Variants in MBTPS1 observed in about 807,000 individuals in gnomAD.
The protein encoded by MBTPS1 is membrane bound transcription factor peptidase, site 1, also known as membrane-bound transcription factor site-1 protease.
A neutral mutation model predicts 127.8 loss-of-function variants in MBTPS1; 94 were observed. That is an observed-to-expected ratio of 0.74 (90% CI 0.62 to 0.87). The LOEUF (loss-of-function observed/expected upper bound fraction) is 0.87. MBTPS1 is among the 40% of genes least tolerant of loss of function. MBTPS1 has a pLI of 0.00. For missense variants in MBTPS1, 1,636 were observed against 1,353.2 expected (o/e 1.21, Z -3.28); for synonymous variants, 632 against 509.4 (o/e 1.24, Z -3.24).
At chr16:84,082,380 A>G (rs988562968) in intron 10 of MBTPS1, among the ~76,000 whole-genome samples, 10 of 152,094 alleles carry the variant, frequency 6.6e-5, no homozygotes, top group African/African-American at 2.4e-4. Context: ...TCCAAAGCCA[A>G]TCCTTGCCTT....
At chr16:84,087,542 A>T in intron 8 of MBTPS1, 82 bp from the exon 9 acceptor site, 1 of 893,910 alleles carries the variant, frequency 1.1e-6, no homozygotes, top group South Asian at 1.5e-5. Context: ...GATTCAAACC[A>T]GGGCGAATAC....
intron 1 of MBTPS1, among the ~76,000 whole-genome samples, chr16:84,115,378 T>A (rs1007252635): frequency 3.9e-5 from 6 of 152,188 alleles, no homozygotes; most frequent in African/African-American, 1.2e-4. Flanking sequence ...GGGAGTGCAG[T>A]CGTTTGACAC....
At chr16:84,063,217 G>T in intron 19 of MBTPS1, 88 bp downstream of exon 19, 2 of 1,400,632 alleles carry the variant, frequency 1.4e-6, no homozygotes, top group Non-Finnish European at 2.0e-6. Context: ...CGGCTGATCT[G>T]CCAGCATCTC....
Position 84,093,695 on chromosome 16 carries a change from T to C in MBTPS1, c.736+16A>G. 6.4e-7 allele frequency: 1 copy of C among 1,570,182 alleles called. No individual in the cohort carries two copies. Among genetic ancestry groups the C allele is most frequent in the East Asian group, 2.2e-5 (1 of 44,682 alleles). On this transcript the variant is annotated intron_variant, in intron 5 of 22. Transcript: ENST00000343411. The stretch of plus-strand genomic sequence containing the variant: ...GTCGATCACATGACCACGTTCTCAC[T>C]GCTGCTGAGACCCACCATCGTCCAG...
At chr16:84,071,223 G>C (rs780436733) in intron 12 of MBTPS1, among the ~76,000 whole-genome samples, 6 of 152,208 alleles carry the variant, frequency 3.9e-5, no homozygotes, top group Non-Finnish European at 8.8e-5. Flanking sequence ...TCTGAAGCTG[G>C]AAAGAGGTGG....
intron 3 of MBTPS1, among the ~76,000 whole-genome samples, chr16:84,097,213 G>A (rs890462161): frequency 3.9e-5 from 6 of 152,162 alleles, no homozygotes; most frequent in Admixed American, 3.3e-4. Flanking sequence ...GAGTGAGAAT[G>A]GTGTCAGCCC....
At chr16:84,086,826 T>G (rs1259415306) in intron 9 of MBTPS1, among the ~76,000 whole-genome samples, 1 of 152,136 alleles carries the variant, frequency 6.6e-6, no homozygotes, top group Non-Finnish European at 1.5e-5. Flanking sequence ...TAAAGGTGGG[T>G]GAATGTGCTG....
rs148890460 is a variant in MBTPS1 at position 84,099,286 on chromosome 16, T to C, written c.188A>G (p.Tyr63Cys). The C allele has an allele frequency of 1.5e-5, 24 of 1,613,922 alleles. No homozygotes were observed. The Admixed American group carries it at 4.0e-4, about 27-fold the overall frequency. Reference sequence around the variant, plus strand: ...TGAATTTCTAGCTTTGGCTGTAAAGTATCCATTGAAAGCCACAATATATTC... The same window carrying C: ...TGAATTTCTAGCTTTGGCTGTAAAGCATCCATTGAAAGCCACAATATATTC... ...EYEYIVAFNG[Y>C]FTAKARNSFI... The change falls in exon 3 of 23, where the codon TAC (tyrosine) becomes TGC (cysteine). Residue 63 changes from tyrosine to cysteine, a missense_variant. Transcript: ENST00000343411.
intron 20 of MBTPS1, 164 bp downstream of exon 20, chr16:84,060,518 G>A: frequency 1.4e-6 from 1 of 719,468 alleles, no homozygotes; most frequent in East Asian, 2.8e-5. Flanking sequence ...CCTCTCGGCA[G>A]GTTAGAGCCG....
chr16:84,109,880 G>A (rs1432446549), intron 1 of MBTPS1, among the ~76,000 whole-genome samples: 1 of 152,198 alleles, frequency 6.6e-6, no homozygotes, highest in Non-Finnish European at 1.5e-5. Context: ...CTGTGATTAT[G>A]TAAGAAGGTC....
At chr16:84,100,629 G>C (rs546248682) in intron 2 of MBTPS1, among the ~76,000 whole-genome samples, 1 of 152,088 alleles carries the variant, frequency 6.6e-6, no homozygotes, top group South Asian at 2.1e-4. Context: ...TCAGGAGGCT[G>C]AAGTGGGAGA....
intron 19 of MBTPS1, among the ~76,000 whole-genome samples, chr16:84,061,929 G>C (rs946385836): frequency 2.0e-5 from 3 of 152,072 alleles, no homozygotes. Context: ...GGCACTTCTG[G>C]TCAAGTGCTT....
chr16:84,077,918 A>T (rs1406489048), intron 11 of MBTPS1, among the ~76,000 whole-genome samples: 1 of 145,984 alleles, frequency 6.9e-6, no homozygotes, highest in Non-Finnish European at 1.5e-5. Flanking sequence ...ATGAACAGAC[A>T]ATTCACAAGA....
chr16:84,092,113 C>G (rs1332712242), intron 6 of MBTPS1, among the ~76,000 whole-genome samples: 1 of 152,156 alleles, frequency 6.6e-6, no homozygotes, highest in Non-Finnish European at 1.5e-5. Context: ...ATGCACAGCT[C>G]TCTACACAAA....
At chr16:84,085,581 C>CT (rs1567490573) in intron 9 of MBTPS1, among the ~76,000 whole-genome samples, 2 of 108,508 alleles carry the variant, frequency 1.8e-5, no homozygotes, top group African/African-American at 7.1e-5. Context: ...GCCCCCCCCC[C>CT]AAAAAAAAAG....
chr16:84,093,106 A>C (rs986034167), intron 6 of MBTPS1, 82 bp downstream of exon 6: 7 of 924,082 alleles, frequency 7.6e-6, no homozygotes, highest in Non-Finnish European at 7.2e-6. Flanking sequence ...CTCCTTTTAC[A>C]CAAGTGTGTA....
At chr16:84,097,888 T>TGCA (rs967696403) in intron 3 of MBTPS1, among the ~76,000 whole-genome samples, 5 of 145,992 alleles carry the variant, frequency 3.4e-5, no homozygotes, top group Non-Finnish European at 1.5e-5. Flanking sequence ...GTGTGTTTAA[T>TGCA]GCAGCAAAAC....
rs2086261007 is a variant in MBTPS1 at position 84,101,804 on chromosome 16, A to G, written c.-21T>C. On this transcript the variant is annotated 5_prime_UTR_variant, in exon 2 of 23. An upstream start codon of the reference 5' UTR is lost. Transcript: ENST00000343411. ...TTCATGGTCACAAGCGAATATGATC[A>G]TAAAATTGCATATATTCAAATCACA... The G allele has an allele frequency of 2.5e-6, 4 of 1,592,240 alleles. No homozygotes were observed. Among genetic ancestry groups the G allele is most frequent in the South Asian group, 1.1e-5 (1 of 88,094 alleles).
chr16:84,091,689 C>T (rs1159726623), intron 7 of MBTPS1, 43 bp downstream of exon 7: 4 of 1,359,778 alleles, frequency 2.9e-6, no homozygotes, highest in African/African-American at 2.9e-5. Flanking sequence ...TGCGAAAGAG[C>T]AGGAGCTGTC....
Sources: gnomAD v4.1 joint callset for allele counts (sites outside exome capture counted in the v4.1 genomes callset) on GRCh38, gnomAD v4.1.1 for gene constraint, MANE v1.5 for transcripts, NCBI Gene and HGNC (gene_info 2026-07-23, HGNC 2026-07-21) for gene names.